CFAP44: variants seen among roughly 807,000 people sequenced by gnomAD.
CFAP44 encodes cilia- and flagella-associated protein 44.
A neutral mutation model predicts 216.2 loss-of-function variants in CFAP44; 134 were observed. The ratio of observed to expected loss-of-function variants is 0.62; its 90% CI spans 0.54 to 0.72. CFAP44 has a LOEUF of 0.72. Ranked by LOEUF, CFAP44 falls within the 30% of genes least tolerant of loss-of-function variation. CFAP44 has a pLI of 0.00. For missense variants in CFAP44, 2,035 were observed against 2,182.1 expected, an observed-to-expected ratio of 0.93 and a Z score of 1.34; for synonymous variants, 700 against 727.6, an observed-to-expected ratio of 0.96 and a Z score of 0.61.
In CFAP44 at chr3:113,300,332, T is replaced by C. The variant is rs183882292; in HGVS notation, c.5078-3447A>G. 4.6e-3 allele frequency among the ~76,000 whole-genome samples: 706 copies of C among 152,222 alleles called. 2 individuals are homozygous for C. The highest frequency in any genetic ancestry group is 7.9e-3 in the Non-Finnish European group (536 of 67,994). Reference sequence around the variant, plus strand: ...GATACTATGGTGAATAATAACTTAATTGTACATTTTAAAATAACTAAAAGA... The same window carrying C: ...GATACTATGGTGAATAATAACTTAACTGTACATTTTAAAATAACTAAAAGA... On this transcript the variant is annotated intron_variant, in intron 32 of 34. Transcript: ENST00000393845.
chr3:113,308,357 T>C (rs2107795047), intron 28 of CFAP44, 89 bp from the exon 29 acceptor site: 1 of 1,046,332 alleles, frequency 9.6e-7, no homozygotes, highest in South Asian at 1.7e-5. Context: ...TTCAATGAGT[T>C]AGTCACTAGA....
chr3:113,438,440 G>A (rs373132236), intron 1 of CFAP44, among the ~76,000 whole-genome samples: 39 of 152,326 alleles, frequency 2.6e-4, no homozygotes, highest in Admixed American at 1.3e-4. Context: ...TTTAATGGCT[G>A]TGTGCCTCAG....
chr3:113,393,643 G>A (rs1224100049), intron 15 of CFAP44, among the ~76,000 whole-genome samples: 6 of 152,160 alleles, frequency 3.9e-5, no homozygotes, highest in Non-Finnish European at 7.3e-5. Flanking sequence ...AACCTCCCGA[G>A]TAGCTGGGAC....
At chr3:113,336,312 A>G (rs1950281634) in intron 24 of CFAP44, among the ~76,000 whole-genome samples, 1 of 152,080 alleles carries the variant, frequency 6.6e-6, no homozygotes, top group Non-Finnish European at 1.5e-5. Flanking sequence ...ACATGGGTAA[A>G]TCACTAGCTG....
chr3:113,403,820 G>T, intron 9 of CFAP44, 32 bp downstream of exon 9: 2 of 1,597,790 alleles, frequency 1.3e-6, no homozygotes, highest in East Asian at 2.3e-5. Context: ...CTTAAACGTG[G>T]GTGCTACCAT....
chr3:113,350,813 G>A (rs919017657), intron 22 of CFAP44, among the ~76,000 whole-genome samples: 13 of 152,228 alleles, frequency 8.5e-5, no homozygotes, highest in Non-Finnish European at 1.6e-4. Context: ...AAAGAGGAAA[G>A]GCAAAGGGGT....
intron 28 of CFAP44, among the ~76,000 whole-genome samples, chr3:113,312,600 C>A (rs541667582): frequency 1.3e-5 from 2 of 152,244 alleles, no homozygotes; most frequent in Non-Finnish European, 2.9e-5. Context: ...ATGTCGGAGG[C>A]CTTCACACAG....
chr3:113,439,716 G>A (rs976392909), intron 1 of CFAP44, among the ~76,000 whole-genome samples: 4 of 152,202 alleles, frequency 2.6e-5, no homozygotes, highest in Admixed American at 6.5e-5. Context: ...ACACATTGAT[G>A]CAGAGGAGTG....
chr3:113,322,437 A>G (rs6801184), intron 28 of CFAP44, among the ~76,000 whole-genome samples: 36,875 of 152,150 alleles, frequency 0.24, 4,653 homozygotes, highest in East Asian at 0.41. Flanking sequence ...GGACATGAAC[A>G]TACACTTCTC....
intron 32 of CFAP44, among the ~76,000 whole-genome samples, chr3:113,297,140 C>T (rs1228197926): frequency 6.6e-6 from 1 of 151,964 alleles, no homozygotes; most frequent in Non-Finnish European, 1.5e-5. Flanking sequence ...CTGATCTGCC[C>T]CTCCTCAGAC....
chr3:113,313,204 G>C (rs978407095), intron 28 of CFAP44, among the ~76,000 whole-genome samples: 1 of 152,146 alleles, frequency 6.6e-6, no homozygotes, highest in Non-Finnish European at 1.5e-5. Context: ...TCTTGGATGT[G>C]AGACCTGGAG....
intron 21 of CFAP44, chr3:113,360,365 T>C (rs929345678): frequency 4.4e-6 from 1 of 224,728 alleles, no homozygotes; most frequent in Non-Finnish European, 9.9e-6. Flanking sequence ...ATGAATACTA[T>C]ATGTCTGAGT....
intron 5 of CFAP44, among the ~76,000 whole-genome samples, chr3:113,418,704 G>T (rs1417304301): frequency 6.6e-6 from 1 of 151,378 alleles, no homozygotes; most frequent in Non-Finnish European, 1.5e-5. Context: ...TGTTTTTTTT[G>T]TTTTTTGGGT....
intron 15 of CFAP44, 128 bp downstream of exon 15, chr3:113,395,622 G>A (rs940862545): frequency 1.7e-5 from 12 of 699,612 alleles, no homozygotes; most frequent in African/African-American, 5.6e-5. Flanking sequence ...TTCTGTTGCC[G>A]CATCCCTGAC....
chr3:113,308,440 T>C (rs768336074), intron 28 of CFAP44, among the ~76,000 whole-genome samples, 172 bp from the exon 29 acceptor site: 15 of 152,206 alleles, frequency 9.9e-5, no homozygotes, highest in Non-Finnish European at 1.9e-4. Flanking sequence ...TGCAGAGGGT[T>C]GTGCAGTTAC....
rs984860970 is a variant in CFAP44, at chr3:113,289,099, C to G, written c.*2458G>C. On this transcript the variant is annotated 3_prime_UTR_variant, in exon 35 of 35. Transcript: ENST00000393845. ...CCTGCCCATGCCACACCCTGCTGGTCTACTTGTGTTTGAAGCTTAACTTCC... is the reference window on the plus strand; with the variant it reads ...CCTGCCCATGCCACACCCTGCTGGTGTACTTGTGTTTGAAGCTTAACTTCC... 6.6e-6 allele frequency: 1 copy of G among 152,204 alleles called. No homozygotes were observed. Among genetic ancestry groups the G allele is most frequent in the Admixed American group, 6.5e-5 (1 of 15,286 alleles). The allele number at this position is 152,204 out of a possible 1,614,324, so 9.4% of individuals were successfully genotyped here. A position where few individuals can be genotyped will look rare whatever the true frequency, so the allele number is the denominator to read the frequency against.
At position 113,304,041 on chromosome 3, in the gene CFAP44, C is replaced by A. The variant is rs201245249; in HGVS notation, c.4952G>T (p.Arg1651Leu). ...TLVFSNHALR[R>L]LQERIHELQE... ...GAGCTCATGGATTCGTTCTTGCAGC[C>A]GTCTCAAGGCATGGTTAGAGAAGAC... The change falls in exon 32 of 35, where the codon CGG (arginine) becomes CTG (leucine). Residue 1651 changes from arginine to leucine, a missense_variant. By Grantham distance (102) the Arg-to-Leu change is moderately radical (BLOSUM62 -2). This residue lies in a region of CFAP44 where 1,883 missense variants were observed against 2,023.7 expected (regional missense o/e 0.93). Coordinates refer to ENST00000393845, the MANE Select transcript of CFAP44 (RefSeq NM_001164496.2). 2 of 1,537,106 alleles carry A rather than the reference C, an allele frequency of 1.3e-6. No individual in the cohort carries two copies. The highest frequency in any genetic ancestry group is 1.4e-5 in the African/African-American group (1 of 72,972).
chr3:113,405,600 C>A (rs528157293), intron 8 of CFAP44, among the ~76,000 whole-genome samples: 1 of 152,228 alleles, frequency 6.6e-6, no homozygotes, highest in African/African-American at 2.4e-5. Context: ...TACTTCTCCA[C>A]TGAAATTCTC....
chr3:113,364,475 A>T (rs538995520), intron 19 of CFAP44, among the ~76,000 whole-genome samples: 1 of 152,318 alleles, frequency 6.6e-6, no homozygotes, highest in South Asian at 2.1e-4. Context: ...TATAAGAGAC[A>T]GTAATGGCTA....
Sources: gnomAD v4.1 joint callset for allele counts (sites outside exome capture counted in the v4.1 genomes callset) on GRCh38, gnomAD v4.1.1 for gene constraint, gnomAD v4.1.1 regional missense constraint, MANE v1.5 for transcripts, NCBI Gene and HGNC (gene_info 2026-07-23, HGNC 2026-07-21) for gene names.